The following GRIA4 variants were observed in gnomAD, a reference collection of about 807,000 sequenced individuals.
GRIA4 encodes glutamate ionotropic receptor AMPA type subunit 4, also known as glutamate receptor 4.
A neutral mutation model predicts 104.0 loss-of-function variants in GRIA4; 34 were observed. The observed-to-expected ratio is 0.33, with a 90% CI of 0.25 to 0.44. The LOEUF (loss-of-function observed/expected upper bound fraction) is 0.44, where lower values mean the gene tolerates loss of function less well. Among genes scored for constraint, GRIA4 ranks in the 20% least tolerant of loss-of-function variants. The probability of loss-of-function intolerance (pLI) is 1.00; values close to 1 mark genes in which losing one functional copy is unlikely to be tolerated. For missense variants in GRIA4, 750 were observed against 1,096.5 expected, an observed-to-expected ratio of 0.68 and a Z score of 4.46; for synonymous variants, 386 against 381.9, an observed-to-expected ratio of 1.01 and a Z score of -0.13.
intron 4 of GRIA4, among the ~76,000 whole-genome samples, chr11:105,818,557 G>A (rs117839715): frequency 0.015 from 2,275 of 152,222 alleles, 19 homozygotes; most frequent in Non-Finnish European, 0.024. Context: ...AGATAATTCA[G>A]ATGGATAGCA....
At chr11:105,868,988 C>T (rs183157438) in intron 5 of GRIA4, among the ~76,000 whole-genome samples, 23 of 152,230 alleles carry the variant, frequency 1.5e-4, no homozygotes, top group Non-Finnish European at 2.5e-4. Flanking sequence ...TTATGATGCA[C>T]TAGGTTTGTT....
At chr11:105,747,532 A>C (rs1236016729) in intron 3 of GRIA4, among the ~76,000 whole-genome samples, 1 of 152,186 alleles carries the variant, frequency 6.6e-6, no homozygotes, top group African/African-American at 2.4e-5. Flanking sequence ...TATTATTCAG[A>C]TGGAGTATGG....
chr11:105,804,374 A>G (rs868101147), intron 4 of GRIA4, among the ~76,000 whole-genome samples: 4 of 151,606 alleles, frequency 2.6e-5, no homozygotes, highest in Admixed American at 6.6e-5. Flanking sequence ...ACACACACAC[A>G]CACGCACTAG....
At chr11:105,776,709 A>G (rs1428914540) in intron 4 of GRIA4, among the ~76,000 whole-genome samples, 18 of 152,254 alleles carry the variant, frequency 1.2e-4, no homozygotes, top group East Asian at 3.9e-4. Flanking sequence ...GGAAAGTCCC[A>G]AAGATTACTG....
intron 4 of GRIA4, among the ~76,000 whole-genome samples, chr11:105,777,700 G>A (rs754434254): frequency 1.6e-4 from 25 of 152,156 alleles, no homozygotes; most frequent in Non-Finnish European, 3.4e-4. Context: ...TCCTGGAAAA[G>A]TTCAGCTTTT....
intron 4 of GRIA4, among the ~76,000 whole-genome samples, chr11:105,808,554 T>C (rs1006200269): frequency 9.9e-5 from 15 of 152,080 alleles, no homozygotes; most frequent in African/African-American, 3.4e-4. Context: ...TCTTTGAGCA[T>C]ACCTGTAATT....
At chr11:105,935,892 T>A (rs1948021683) in intron 14 of GRIA4, among the ~76,000 whole-genome samples, 1 of 152,182 alleles carries the variant, frequency 6.6e-6, no homozygotes, top group Admixed American at 6.6e-5. Context: ...TGTATAATAA[T>A]CACCCATTGG....
At chr11:105,725,744 G>A (rs1938160298) in intron 3 of GRIA4, among the ~76,000 whole-genome samples, 1 of 152,074 alleles carries the variant, frequency 6.6e-6, no homozygotes, top group African/African-American at 2.4e-5. Flanking sequence ...CCCATGGAGA[G>A]CAAGCTGAAG....
chr11:105,720,196 T>C (rs950447396), intron 3 of GRIA4, among the ~76,000 whole-genome samples: 2 of 151,902 alleles, frequency 1.3e-5, no homozygotes, highest in Non-Finnish European at 2.9e-5. Flanking sequence ...CTCATAAAAT[T>C]TCATGTTTTT....
intron 11 of GRIA4, among the ~76,000 whole-genome samples, chr11:105,920,116 T>C (rs986120995): frequency 3.3e-5 from 5 of 152,066 alleles, no homozygotes; most frequent in African/African-American, 1.2e-4. Flanking sequence ...CTAAAACCTA[T>C]GCAGAATGAG....
At chr11:105,810,788 C>T (rs1029651162) in intron 4 of GRIA4, among the ~76,000 whole-genome samples, 1 of 152,076 alleles carries the variant, frequency 6.6e-6, no homozygotes, top group Non-Finnish European at 1.5e-5. Context: ...CAGAGTTTCA[C>T]CTGACTCCTC....
chr11:105,747,159 A>T (rs1939709885), intron 3 of GRIA4, among the ~76,000 whole-genome samples: 2 of 152,216 alleles, frequency 1.3e-5, no homozygotes, highest in Admixed American at 1.3e-4. Flanking sequence ...ACATGTACAC[A>T]CACAAACACA....
At chr11:105,901,881 T>C (rs1371978690) in intron 7 of GRIA4, among the ~76,000 whole-genome samples, 1 of 152,232 alleles carries the variant, frequency 6.6e-6, no homozygotes, top group Non-Finnish European at 1.5e-5. Context: ...AGTACTAGCA[T>C]TGCATTTTTC....
At chr11:105,622,836 C>T (rs1354074782) in intron 3 of GRIA4, among the ~76,000 whole-genome samples, 1 of 151,426 alleles carries the variant, frequency 6.6e-6, no homozygotes, top group African/African-American at 2.4e-5. Flanking sequence ...CCACCCTCCT[C>T]TAACCCCCCC....
chr11:105,846,343 A>T (rs1944595317), intron 4 of GRIA4, among the ~76,000 whole-genome samples: 1 of 152,174 alleles, frequency 6.6e-6, no homozygotes, highest in Non-Finnish European at 1.5e-5. Context: ...GTGAGGAGGA[A>T]GAGGTATTGA....
intron 14 of GRIA4, among the ~76,000 whole-genome samples, chr11:105,935,361 G>A (rs1321387240): frequency 6.6e-6 from 1 of 152,152 alleles, no homozygotes. Context: ...TTGAAGAAAT[G>A]TGCAGGGAGA....
At chr11:105,861,921 G>T in intron 4 of GRIA4, 103 bp from the exon 5 acceptor site, 1 of 693,254 alleles carries the variant, frequency 1.4e-6, no homozygotes, top group South Asian at 1.8e-5. Context: ...TAAGCATTCA[G>T]TATATTTTGG....
chr11:105,685,574 A>T (rs1400800435), intron 3 of GRIA4, among the ~76,000 whole-genome samples: 1 of 152,226 alleles, frequency 6.6e-6, no homozygotes, highest in Non-Finnish European at 1.5e-5. Context: ...TACACGTTTG[A>T]AACTAATTAC....
At chr11:105,673,765 A>T (rs1952448337) in intron 3 of GRIA4, among the ~76,000 whole-genome samples, 2 of 151,982 alleles carry the variant, frequency 1.3e-5, no homozygotes, top group African/African-American at 4.8e-5. Flanking sequence ...TTGGGCATTG[A>T]ATTAACGTTT....
Sources: gnomAD v4.1 joint callset for allele counts (sites outside exome capture counted in the v4.1 genomes callset) on GRCh38, gnomAD v4.1.1 for gene constraint, MANE v1.5 for transcripts, NCBI Gene and HGNC (gene_info 2026-07-23, HGNC 2026-07-21) for gene names.